SV2C: variants seen among roughly 807,000 people sequenced by gnomAD.
SV2C encodes the protein synaptic vesicle glycoprotein 2C.
Under a neutral mutation model 79.7 loss-of-function variants are expected in SV2C, and 49 were observed. The ratio of observed to expected loss-of-function variants is 0.61; its 90% CI spans 0.49 to 0.78. The LOEUF (loss-of-function observed/expected upper bound fraction) is 0.78. Ranked by LOEUF, SV2C falls within the 30% of genes least tolerant of loss-of-function variation. SV2C has a pLI of 0.00. For missense variants in SV2C, 833 were observed against 912.9 expected, an observed-to-expected ratio of 0.91 and a Z score of 1.13; for synonymous variants, 334 against 333.2, an observed-to-expected ratio of 1.00 and a Z score of -0.03.
At chr5:75,888,995 CTA>C in the SV2C span, among the ~76,000 whole-genome samples, 1 of 152,072 alleles carries the variant, frequency 6.6e-6, no homozygotes, top group Non-Finnish European at 1.5e-5. Context: ...TGTCTTCTCT[CTA>C]TGTCTTCACG....
the SV2C span, among the ~76,000 whole-genome samples, chr5:75,948,634 G>A: frequency 1.8e-4 from 27 of 151,992 alleles, no homozygotes; most frequent in Admixed American, 3.3e-4. Flanking sequence ...ATAAGGCGAC[G>A]TTTGTGTAGA....
chr5:76,198,450 T>C (rs888071479), intron 3 of SV2C, among the ~76,000 whole-genome samples: 8 of 152,290 alleles, frequency 5.3e-5, no homozygotes, highest in Middle Eastern at 3.4e-3. Context: ...CCCTCTCTCC[T>C]GAGTGGAAGC....
chr5:76,292,594 C>T (rs1246558065), intron 8 of SV2C, among the ~76,000 whole-genome samples: 1 of 152,094 alleles, frequency 6.6e-6, no homozygotes, highest in Non-Finnish European at 1.5e-5. Flanking sequence ...GTGTTATAAT[C>T]ACACCTGTTA....
intron 3 of SV2C, among the ~76,000 whole-genome samples, chr5:76,196,184 G>A (rs1744267251): frequency 6.6e-6 from 1 of 152,182 alleles, no homozygotes; most frequent in Non-Finnish European, 1.5e-5. Flanking sequence ...ATGTATAGTA[G>A]CATTTCCCAC....
the SV2C span, among the ~76,000 whole-genome samples, chr5:75,865,343 G>GGTGCATCAGTGCCACTCATGTCA: frequency 6.6e-6 from 1 of 152,122 alleles, no homozygotes; most frequent in Non-Finnish European, 1.5e-5. Context: ...GTCCTTCTTG[G>GGTGCATCAGTGCCACTCATGTCA]GTGCATCAGT....
chr5:76,185,384 T>C (rs776819287), intron 2 of SV2C, among the ~76,000 whole-genome samples: 15 of 152,258 alleles, frequency 9.9e-5, no homozygotes, highest in Non-Finnish European at 1.6e-4. Context: ...GGGGACTCTG[T>C]GTGGGGGCTT....
intron 4 of SV2C, among the ~76,000 whole-genome samples, chr5:76,283,057 G>A (rs933771347): frequency 2.0e-5 from 3 of 151,830 alleles, no homozygotes; most frequent in Non-Finnish European, 4.4e-5. Flanking sequence ...GCTCAGGCCT[G>A]TAATCCTAGC....
At chr5:76,132,429 C>A in intron 2 of SV2C, 99 bp downstream of exon 2, 1 of 1,216,054 alleles carries the variant, frequency 8.2e-7, no homozygotes, top group Non-Finnish European at 1.1e-6. Flanking sequence ...TAGAGTACTG[C>A]ATTTTTTCTA....
At chr5:76,257,152 C>G (rs763682806) in intron 4 of SV2C, among the ~76,000 whole-genome samples, 6 of 152,168 alleles carry the variant, frequency 3.9e-5, no homozygotes, top group Non-Finnish European at 7.3e-5. Context: ...CCTTGATGTT[C>G]CTACTTATTA....
intron 4 of SV2C, among the ~76,000 whole-genome samples, chr5:76,250,536 G>C (rs568404174): frequency 6.6e-6 from 1 of 152,276 alleles, no homozygotes; most frequent in South Asian, 2.1e-4. Context: ...TTTTACTAGA[G>C]GAAAGGTGCT....
chr5:75,856,138 C>A, the SV2C span, among the ~76,000 whole-genome samples: 3 of 152,118 alleles, frequency 2.0e-5, no homozygotes, highest in Admixed American at 6.5e-5. Flanking sequence ...CTTTTTGGGG[C>A]TGAATAGTAG....
At chr5:75,929,622 T>G in the SV2C span, among the ~76,000 whole-genome samples, 4 of 152,156 alleles carry the variant, frequency 2.6e-5, no homozygotes, top group Non-Finnish European at 5.9e-5. Context: ...AATTACCACA[T>G]GCATATACAC....
At chr5:75,967,076 G>C in the SV2C span, among the ~76,000 whole-genome samples, 172 of 152,272 alleles carry the variant, frequency 1.1e-3, no homozygotes, top group Non-Finnish European at 2.1e-3. Flanking sequence ...GCTCATGCCT[G>C]TAATCCCAAT....
intron 12 of SV2C, among the ~76,000 whole-genome samples, chr5:76,301,824 A>G (rs1263096217): frequency 6.8e-6 from 1 of 147,014 alleles, no homozygotes; most frequent in Admixed American, 7.1e-5. Flanking sequence ...CAGGAGAATC[A>G]CTTGAACCCA....
chr5:76,044,666 G>C, the SV2C span, among the ~76,000 whole-genome samples: 1 of 152,296 alleles, frequency 6.6e-6, no homozygotes, highest in East Asian at 1.9e-4. Context: ...AATCAGTGAT[G>C]TTGAGCTTTT....
At chr5:75,962,219 T>C in the SV2C span, among the ~76,000 whole-genome samples, 11 of 152,116 alleles carry the variant, frequency 7.2e-5, no homozygotes, top group African/African-American at 2.4e-4. Context: ...CAGACACCCA[T>C]GTGTTCTTCA....
At chr5:75,884,984 AAAC>A in the SV2C span, among the ~76,000 whole-genome samples, 2 of 152,186 alleles carry the variant, frequency 1.3e-5, no homozygotes, top group East Asian at 3.8e-4. Flanking sequence ...GAAACAAAAG[AAAC>A]AACAATAGAA....
chr5:75,902,269 A>T, the SV2C span, among the ~76,000 whole-genome samples: 2 of 152,158 alleles, frequency 1.3e-5, no homozygotes, highest in Non-Finnish European at 2.9e-5. Flanking sequence ...CTTGCTTTTG[A>T]ACAGTAATCT....
the SV2C span, among the ~76,000 whole-genome samples, chr5:76,029,415 G>A: frequency 6.6e-6 from 1 of 152,084 alleles, no homozygotes; most frequent in African/African-American, 2.4e-5. Flanking sequence ...TAGAGTTTTC[G>A]TTAAAACACA....
Sources: gnomAD v4.1 joint callset for allele counts (sites outside exome capture counted in the v4.1 genomes callset) on GRCh38, gnomAD v4.1.1 for gene constraint, MANE v1.5 for transcripts, NCBI Gene and HGNC (gene_info 2026-07-23, HGNC 2026-07-21) for gene names.